ATXN7L1: variants seen among roughly 807,000 people sequenced by gnomAD.
ATXN7L1 encodes the protein ataxin 7 like 1.
ATXN7L1 carries 15 observed loss-of-function variants against 70.8 expected under a neutral mutation model. The observed-to-expected ratio is 0.21, with a 90% CI of 0.14 to 0.33. The LOEUF is 0.33. Ranked by LOEUF, ATXN7L1 falls within the 10% of genes least tolerant of loss-of-function variation. ATXN7L1 has a pLI of 1.00. For synonymous variants in ATXN7L1, 440 were observed against 445.1 expected (o/e 0.99, Z 0.14); for missense variants, 975 against 1,097.1 (o/e 0.89, Z 1.57).
At chr7:105,860,238 T>G (rs1453512474) in intron 2 of ATXN7L1, among the ~76,000 whole-genome samples, 1 of 149,818 alleles carries the variant, frequency 6.7e-6, no homozygotes, top group Non-Finnish European at 1.5e-5. Context: ...TTCAACCTTT[T>G]TATACATGTG....
At chr7:105,706,360 A>AT (rs1390324426) in intron 3 of ATXN7L1, among the ~76,000 whole-genome samples, 1 of 151,706 alleles carries the variant, frequency 6.6e-6, no homozygotes, top group Non-Finnish European at 1.5e-5. Flanking sequence ...TGCCCAGCTA[A>AT]TTTTTTTGTA....
intron 4 of ATXN7L1, among the ~76,000 whole-genome samples, chr7:105,655,980 C>A (rs1800574144): frequency 6.6e-6 from 1 of 152,250 alleles, no homozygotes; most frequent in Non-Finnish European, 1.5e-5. Context: ...TTTTTAATAG[C>A]TGAGCATATT....
At chr7:105,643,235 CCTT>C (rs1457218974) in intron 4 of ATXN7L1, 114 bp from the exon 5 acceptor site, 2 of 1,230,696 alleles carry the variant, frequency 1.6e-6, no homozygotes, top group Non-Finnish European at 2.2e-6. Context: ...TATTTATACT[CCTT>C]CTATAAGCAA....
intron 10 of ATXN7L1, 41 bp from the exon 11 acceptor site, chr7:105,610,644 A>C: frequency 1.3e-6 from 2 of 1,523,840 alleles, no homozygotes; most frequent in Non-Finnish European, 1.8e-6. Context: ...CACACGAGCC[A>C]GCCTGGGAAG....
intron 2 of ATXN7L1, among the ~76,000 whole-genome samples, chr7:105,839,795 TA>T (rs1485588041): frequency 6.6e-6 from 1 of 152,116 alleles, no homozygotes; most frequent in African/African-American, 2.4e-5. Context: ...AAGAGGAATA[TA>T]AATGAGACAT....
In ATXN7L1 at chr7:105,677,171, TA is replaced by T. The variant is rs1804808547; in HGVS notation, c.356-11884del. On this transcript the variant is annotated intron_variant, in intron 3 of 11. Coordinates refer to ENST00000419735, the MANE Select transcript of ATXN7L1 (RefSeq NM_020725.2). The stretch of plus-strand genomic sequence containing the variant: ...CAGGGCCCCCAAATCTGTGATTTTT[TA>T]AAAGGTCCTGAGGTGATTTTCATGC... Among the ~76,000 whole-genome samples, 6 of 152,186 alleles carry T rather than the reference TA, an allele frequency of 3.9e-5. No individual in the cohort carries two copies. The South Asian group carries it at 1.2e-3, about 31-fold the overall frequency.
intron 3 of ATXN7L1, among the ~76,000 whole-genome samples, chr7:105,667,846 C>A (rs1802899661): frequency 6.6e-6 from 1 of 152,168 alleles, no homozygotes; most frequent in Non-Finnish European, 1.5e-5. Context: ...CGACTTTCTG[C>A]CTCTCAGAAA....
At chr7:105,642,056 GT>G (rs1798340019) in intron 5 of ATXN7L1, among the ~76,000 whole-genome samples, 1 of 152,206 alleles carries the variant, frequency 6.6e-6, no homozygotes, top group Non-Finnish European at 1.5e-5. Context: ...GTAAGAAGAA[GT>G]TATGAAGTTT....
At chr7:105,657,098 T>C (rs916268219) in intron 4 of ATXN7L1, among the ~76,000 whole-genome samples, 2 of 152,174 alleles carry the variant, frequency 1.3e-5, no homozygotes, top group African/African-American at 4.8e-5. Flanking sequence ...TTGGCACTGC[T>C]TATGCTTTCT....
intron 2 of ATXN7L1, among the ~76,000 whole-genome samples, chr7:105,853,907 CA>C (rs1815284300): frequency 6.6e-6 from 1 of 152,240 alleles, no homozygotes; most frequent in Non-Finnish European, 1.5e-5. Context: ...ATACTTCCCA[CA>C]AGCGCTTGAT....
At chr7:105,710,448 C>A (rs1450722575) in intron 3 of ATXN7L1, among the ~76,000 whole-genome samples, 1 of 135,704 alleles carries the variant, frequency 7.4e-6, no homozygotes, top group Non-Finnish European at 1.5e-5. Flanking sequence ...CACTCTGTCA[C>A]TCAGGCTGCA....
intron 2 of ATXN7L1, among the ~76,000 whole-genome samples, chr7:105,870,175 G>A (rs764577680): frequency 6.6e-6 from 1 of 151,766 alleles, no homozygotes; most frequent in African/African-American, 2.4e-5. Context: ...CCAGCTACTC[G>A]GGAGCCTGAG....
rs1256291473 is a variant in ATXN7L1 at position 105,643,114 on chromosome 7, C to T, written c.586G>A (p.Val196Ile). ...ATTTTCTCTAAACTGACTACAGGAACTGGAACACTGAAAAATAAATGAACA... is the reference window on the plus strand; with the variant it reads ...ATTTTCTCTAAACTGACTACAGGAATTGGAACACTGAAAAATAAATGAACA... ...KGSRDKPCVP[V>I]PVVSLEKIPN... The change falls in exon 5 of 12, where the codon GTT (valine) becomes ATT (isoleucine). Residue 196 changes from valine to isoleucine, a missense_variant. Transcript: ENST00000419735. The T allele has an allele frequency of 3.3e-6, 5 of 1,511,390 alleles. No individual in the cohort carries two copies. The African/African-American group carries it at 7.0e-5, about 21-fold the overall frequency. The allele number at this position is 1,511,390 out of a possible 1,614,324, so 93.6% of individuals were successfully genotyped here. A position where few individuals can be genotyped will look rare whatever the true frequency, so the allele number is the denominator to read the frequency against.
At chr7:105,642,035 G>A (rs959290385) in intron 5 of ATXN7L1, among the ~76,000 whole-genome samples, 8 of 152,204 alleles carry the variant, frequency 5.3e-5, no homozygotes, top group African/African-American at 1.7e-4. Flanking sequence ...CCATCAGGGA[G>A]TGCCCATGAT....
chr7:105,869,111 A>T (rs1817882546), intron 2 of ATXN7L1, among the ~76,000 whole-genome samples: 1 of 152,184 alleles, frequency 6.6e-6, no homozygotes. Flanking sequence ...TAGAGCTTAT[A>T]GGTCTCCAAG....
At chr7:105,746,994 T>C (rs1045835425) in intron 3 of ATXN7L1, among the ~76,000 whole-genome samples, 1 of 152,184 alleles carries the variant, frequency 6.6e-6, no homozygotes, top group Non-Finnish European at 1.5e-5. Flanking sequence ...ATCTGTCCAA[T>C]GAATTAAAAA....
chr7:105,759,994 A>C (rs1454846315), intron 3 of ATXN7L1, among the ~76,000 whole-genome samples: 1 of 152,204 alleles, frequency 6.6e-6, no homozygotes, highest in African/African-American at 2.4e-5. Context: ...CACCCAGGTT[A>C]AATGATTTTC....
At chr7:105,733,963 T>A (rs796426199) in intron 3 of ATXN7L1, among the ~76,000 whole-genome samples, 1 of 136,698 alleles carries the variant, frequency 7.3e-6, no homozygotes, top group African/African-American at 2.6e-5. Context: ...CATCCATCCA[T>A]CCATCCATCC....
intron 2 of ATXN7L1, among the ~76,000 whole-genome samples, chr7:105,790,555 TG>T (rs1804991479): frequency 6.6e-6 from 1 of 151,946 alleles, no homozygotes. Flanking sequence ...CACTCCAGCC[TG>T]GGCAACAGAG....
Sources: gnomAD v4.1 joint callset for allele counts (sites outside exome capture counted in the v4.1 genomes callset) on GRCh38, gnomAD v4.1.1 for gene constraint, MANE v1.5 for transcripts, NCBI Gene and HGNC (gene_info 2026-07-23, HGNC 2026-07-21) for gene names.